TIAM1: variants seen among roughly 807,000 people sequenced by gnomAD.
TIAM1 encodes TIAM Rac1 associated GEF 1.
TIAM1 carries 65 observed loss-of-function variants against 163.5 expected under a neutral mutation model. That is an observed-to-expected ratio of 0.40 (90% confidence interval 0.33 to 0.49). TIAM1 has a LOEUF of 0.49. Among genes scored for constraint, TIAM1 ranks in the 20% least tolerant of loss-of-function variants. The probability of loss-of-function intolerance (pLI) is 0.77; values close to 1 mark genes in which losing one functional copy is unlikely to be tolerated. For missense variants in TIAM1, 1,789 were observed against 2,044.7 expected, an observed-to-expected ratio of 0.87 and a Z score of 2.41; for synonymous variants, 833 against 810.1, an observed-to-expected ratio of 1.03 and a Z score of -0.48.
At chr21:31,382,555 C>T (rs757642987) in intron 2 of TIAM1, among the ~76,000 whole-genome samples, 19 of 152,070 alleles carry the variant, frequency 1.2e-4, no homozygotes, top group Admixed American at 2.6e-4. Context: ...TGTTTTTTTC[C>T]GAAAGACTGA....
intron 2 of TIAM1, among the ~76,000 whole-genome samples, chr21:31,393,911 A>G (rs920332357): frequency 1.3e-5 from 2 of 152,180 alleles, no homozygotes; most frequent in African/African-American, 4.8e-5. Context: ...ACTGATTCTT[A>G]AAGATTTTCT....
chr21:31,442,871 G>A (rs753771204), intron 2 of TIAM1, among the ~76,000 whole-genome samples: 14 of 152,174 alleles, frequency 9.2e-5, no homozygotes, highest in Non-Finnish European at 1.6e-4. Flanking sequence ...AGCTGAGGAA[G>A]GAGAAAGACC....
chr21:31,483,921 G>C (rs1288401005), intron 1 of TIAM1, among the ~76,000 whole-genome samples: 1 of 152,164 alleles, frequency 6.6e-6, no homozygotes, highest in Admixed American at 6.5e-5. Flanking sequence ...CAATGCCATA[G>C]GCTGAAAGGT....
At chr21:31,189,290 A>G (rs1448591542) in intron 13 of TIAM1, among the ~76,000 whole-genome samples, 1 of 151,826 alleles carries the variant, frequency 6.6e-6, no homozygotes, top group East Asian at 1.9e-4. Context: ...CCTGACTTCA[A>G]GTGATCCACC....
intron 2 of TIAM1, among the ~76,000 whole-genome samples, chr21:31,389,206 TTTTTATTTTA>T (rs762275769): frequency 7.2e-4 from 109 of 152,222 alleles, no homozygotes; most frequent in African/African-American, 2.5e-3. Context: ...TATTTTATTA[TTTTTATTTTA>T]TTTTATTTTA....
intron 2 of TIAM1, among the ~76,000 whole-genome samples, chr21:31,303,596 AATTAGC>A (rs1451810214): frequency 6.7e-6 from 1 of 148,954 alleles, no homozygotes; most frequent in Non-Finnish European, 1.5e-5. Context: ...GTCTTCATTT[AATTAGC>A]ATCAAAATGA....
Position 31,266,999 on chromosome 21 carries a change from G to A in TIAM1, c.-11-16C>T. The A allele has an allele frequency of 6.4e-7, 1 of 1,573,184 alleles. No individual in the cohort carries two copies. ...GTTTTATGGTCTGCAGCAAAGCGGG[G>A]GGAAAGGGGAGAATTGAGTCACTAT... On this transcript the variant is annotated splice_polypyrimidine_tract_variant and intron_variant, in intron 3 of 27. Coordinates refer to ENST00000541036, the MANE Select transcript of TIAM1 (RefSeq NM_001353694.2).
intron 14 of TIAM1, among the ~76,000 whole-genome samples, chr21:31,185,420 A>G (rs1291473147): frequency 1.5e-5 from 2 of 134,816 alleles, no homozygotes; most frequent in Non-Finnish European, 3.0e-5. Flanking sequence ...ATATATAATT[A>G]TGTTATATAA....
At chr21:31,470,260 C>A (rs2045693051) in intron 1 of TIAM1, among the ~76,000 whole-genome samples, 1 of 152,046 alleles carries the variant, frequency 6.6e-6, no homozygotes, top group Non-Finnish European at 1.5e-5. Context: ...CCACCTCAGC[C>A]TCCCATAGTG....
intron 2 of TIAM1, among the ~76,000 whole-genome samples, chr21:31,302,158 T>A (rs1293910535): frequency 6.6e-6 from 1 of 152,046 alleles, no homozygotes; most frequent in Non-Finnish European, 1.5e-5. Context: ...AATGTTTTCA[T>A]GGCATTGTTA....
intron 12 of TIAM1, among the ~76,000 whole-genome samples, chr21:31,202,449 C>T (rs1267065511): frequency 6.6e-6 from 1 of 151,918 alleles, no homozygotes; most frequent in Non-Finnish European, 1.5e-5. Context: ...GCCTGTGGTT[C>T]CAGTTACTCA....
chr21:31,155,978 G>A (rs968385828), intron 16 of TIAM1, among the ~76,000 whole-genome samples: 7 of 152,296 alleles, frequency 4.6e-5, no homozygotes, highest in Admixed American at 1.3e-4. Flanking sequence ...AAAAACAATC[G>A]TTGGTGCACA....
At chr21:31,245,239 T>A (rs1480084473) in intron 6 of TIAM1, among the ~76,000 whole-genome samples, 3 of 152,078 alleles carry the variant, frequency 2.0e-5, no homozygotes, top group Non-Finnish European at 2.9e-5. Flanking sequence ...GTTTCTCACA[T>A]CCAACTCATA....
Position 31,266,656 on chromosome 21 carries a change from G to C in TIAM1, c.317C>G (p.Ser106Cys). The C allele has an allele frequency of 6.2e-7, 1 of 1,614,198 alleles. No individual in the cohort carries two copies. The highest frequency in any genetic ancestry group is 1.3e-5 in the African/African-American group (1 of 75,058). The change falls in exon 4 of 28, where the codon TCT becomes TGT. Residue 106 changes from serine (S) to cysteine (C), a missense_variant. Coordinates refer to ENST00000541036, the MANE Select transcript of TIAM1 (RefSeq NM_001353694.2). ...MGLRPVSYTD[S>C]SVTPSVDSSI... ...GCTGTCTACGCTGGGAGTGACAGAA[G>C]AGTCAGTGTAAGACACAGGTCTCAA...
intron 25 of TIAM1, among the ~76,000 whole-genome samples, chr21:31,128,129 T>G (rs1305902310): frequency 6.6e-6 from 1 of 152,260 alleles, no homozygotes; most frequent in Non-Finnish European, 1.5e-5. Context: ...GTCTCACTTT[T>G]ATCCAGTGGT....
intron 2 of TIAM1, among the ~76,000 whole-genome samples, chr21:31,405,424 T>C (rs2077230083): frequency 6.6e-6 from 1 of 152,108 alleles, no homozygotes; most frequent in African/African-American, 2.4e-5. Context: ...GACCGGTTCC[T>C]TTGCTTTGCT....
intron 4 of TIAM1, among the ~76,000 whole-genome samples, chr21:31,262,005 A>G (rs956298128): frequency 6.6e-5 from 10 of 152,216 alleles, no homozygotes; most frequent in Non-Finnish European, 1.0e-4. Context: ...AGCTTCCCAC[A>G]GAACACAGAA....
chr21:31,491,893 C>A (rs980504222), intron 1 of TIAM1, among the ~76,000 whole-genome samples: 6 of 152,168 alleles, frequency 3.9e-5, no homozygotes, highest in Admixed American at 2.0e-4. Context: ...AAGAATTTCA[C>A]GTAGGACTCT....
At chr21:31,457,093 C>G (rs1003618048) in intron 2 of TIAM1, among the ~76,000 whole-genome samples, 1 of 152,162 alleles carries the variant, frequency 6.6e-6, no homozygotes, top group African/African-American at 2.4e-5. Flanking sequence ...CTCCCCATGT[C>G]TCCTCCCTGA....
Sources: allele counts gnomAD v4.1 joint callset (sites outside exome capture counted in the v4.1 genomes callset), GRCh38; gene constraint gnomAD v4.1.1; transcripts MANE v1.5; gene names NCBI Gene and HGNC (gene_info 2026-07-23, HGNC 2026-07-21).